Variants in ZC3H12B observed in about 807,000 individuals in gnomAD.
ZC3H12B encodes zinc finger CCCH-type containing 12B.
In ZC3H12B, 7 loss-of-function variants were observed where a neutral mutation model predicts 43.9. That is an observed-to-expected ratio of 0.16 (90% CI 0.09 to 0.30). The LOEUF (loss-of-function observed/expected upper bound fraction) is 0.30. Ranked by LOEUF, ZC3H12B falls within the 10% of genes least tolerant of loss-of-function variation. The pLI, the probability that ZC3H12B is intolerant of heterozygous loss-of-function variation, is 1.00. For missense variants in ZC3H12B, 475 were observed against 670.2 expected (o/e 0.71, Z 3.22); for synonymous variants, 222 against 241.7 (o/e 0.92, Z 0.76).
chrX:65,445,311 G>A (rs1455660367), intron 3 of ZC3H12B, among the ~76,000 whole-genome samples: 1 of 111,928 alleles, frequency 8.9e-6, no homozygotes, highest in African/African-American at 3.2e-5. Flanking sequence ...GGCATTTATT[G>A]TAATCTTCAG....
the ZC3H12B span, among the ~76,000 whole-genome samples, chrX:65,282,838 G>C: frequency 3.6e-5 from 4 of 111,570 alleles, no homozygotes; most frequent in South Asian, 1.5e-3. Context: ...CTAATAGCCT[G>C]CCAACAAAAA....
In ZC3H12B at chrX:65,390,206, A is replaced by G. The variant is rs1402929653; in HGVS notation, n.296-8387A>G. Among the ~76,000 whole-genome samples, 3 of 110,486 alleles carry G rather than the reference A, an allele frequency of 2.7e-5. No individual in the cohort carries two copies. In the Admixed American group the frequency reaches 2.9e-4, roughly 11 times the overall value. On this transcript the variant is annotated intron_variant and non_coding_transcript_variant, in intron 2 of 5. Transcript: ENST00000617377. ...CTCACTCATAGGTGGGAATTGAACA[A>G]TGAGAACACTTGGACTCAGGAAGGG...
At chrX:65,147,166 G>T in the ZC3H12B span, among the ~76,000 whole-genome samples, 13 of 112,284 alleles carry the variant, frequency 1.2e-4, no homozygotes, top group East Asian at 3.4e-3. Context: ...CACTTTTGAA[G>T]AAGTGGCGTC....
chrX:65,501,936 G>C lies in ZC3H12B; in HGVS notation c.1238G>C (p.Gly413Ala). The change falls in exon 5 of 5, where the codon GGC (glycine) becomes GCC (alanine). Residue 413 changes from glycine (G) to alanine (A), a missense_variant. Gly to Ala is a moderately conservative substitution (Grantham distance 60). This residue lies in a region of ZC3H12B where 289 missense variants were observed against 359.9 expected (regional missense o/e 0.80). Transcript: ENST00000338957. Reference sequence around the variant, plus strand: ...AGTGAAGGCACCCTGGCCAAGTGTGGCACAGGGATGTCTAGTGCCAAAGGT... The same window carrying C: ...AGTGAAGGCACCCTGGCCAAGTGTGCCACAGGGATGTCTAGTGCCAAAGGT... The C allele has an allele frequency of 8.3e-7, 1 of 1,210,923 alleles. No homozygotes were observed. The highest frequency in any genetic ancestry group is 1.1e-6 in the Non-Finnish European group (1 of 895,065).
the ZC3H12B span, among the ~76,000 whole-genome samples, chrX:65,319,036 A>G: frequency 7.2e-5 from 8 of 111,341 alleles, no homozygotes; most frequent in Non-Finnish European, 1.3e-4. Flanking sequence ...AAGAGAAAAC[A>G]TACCCCAGAG....
At chrX:65,158,695 A>C in the ZC3H12B span, among the ~76,000 whole-genome samples, 67 of 111,403 alleles carry the variant, frequency 6.0e-4, no homozygotes, top group African/African-American at 2.0e-3. Flanking sequence ...TGAGTAGGTT[A>C]CGAAAATTTT....
chrX:65,497,355 AT>A (rs1269413991), intron 2 of ZC3H12B, 84 bp downstream of exon 7: 1 of 921,462 alleles, frequency 1.1e-6, no homozygotes, highest in East Asian at 3.4e-5. Context: ...TTAGATATTT[AT>A]TTTTCAAAGT....
At chrX:65,240,833 T>A in the ZC3H12B span, among the ~76,000 whole-genome samples, 2 of 112,137 alleles carry the variant, frequency 1.8e-5, no homozygotes, top group Non-Finnish European at 3.8e-5. Context: ...CCTATAGGGC[T>A]CTTGTGTTTT....
chrX:65,112,750 A>G, the ZC3H12B span, among the ~76,000 whole-genome samples: 3 of 111,894 alleles, frequency 2.7e-5, no homozygotes, highest in Admixed American at 9.5e-5. Context: ...ATTACTGCTT[A>G]TTGACAATGC....
the ZC3H12B span, among the ~76,000 whole-genome samples, chrX:65,101,761 C>T: frequency 8.9e-6 from 1 of 111,869 alleles, no homozygotes; most frequent in Non-Finnish European, 1.9e-5. Context: ...AACCTACCAA[C>T]CAAAAAAGCC....
the ZC3H12B span, among the ~76,000 whole-genome samples, chrX:65,275,162 A>T: frequency 8.9e-6 from 1 of 112,858 alleles, no homozygotes; most frequent in Non-Finnish European, 1.9e-5. Flanking sequence ...CAGCTGTGCA[A>T]CTGTGTCATG....
the ZC3H12B span, among the ~76,000 whole-genome samples, chrX:65,137,149 A>G: frequency 8.9e-6 from 1 of 112,312 alleles, no homozygotes; most frequent in African/African-American, 3.2e-5. Context: ...TATAAATTAA[A>G]AGTATTTTAG....
At chrX:65,303,224 C>T in the ZC3H12B span, among the ~76,000 whole-genome samples, 4 of 109,589 alleles carry the variant, frequency 3.6e-5, no homozygotes, top group Non-Finnish European at 5.7e-5. Flanking sequence ...GGGTAAAGGA[C>T]GGGAGGAAGG....
the ZC3H12B span, among the ~76,000 whole-genome samples, chrX:65,170,762 TTC>T: frequency 8.9e-6 from 1 of 111,885 alleles, no homozygotes; most frequent in South Asian, 3.7e-4. Context: ...TAAACTTCTC[TTC>T]TCACTTCATT....
intron 2 of ZC3H12B, among the ~76,000 whole-genome samples, chrX:65,394,009 T>C (rs2066662165): frequency 8.9e-6 from 1 of 112,550 alleles, no homozygotes; most frequent in Non-Finnish European, 1.9e-5. Context: ...TTTTGAGAAG[T>C]GTCTGTTCAT....
chrX:65,310,130 G>A, the ZC3H12B span, among the ~76,000 whole-genome samples: 2 of 111,842 alleles, frequency 1.8e-5, no homozygotes, highest in African/African-American at 6.5e-5. Context: ...ATTCAACATA[G>A]TGTTGGAAGT....
the ZC3H12B span, among the ~76,000 whole-genome samples, chrX:65,289,732 AG>A: frequency 9.1e-6 from 1 of 110,330 alleles, no homozygotes; most frequent in Non-Finnish European, 1.9e-5. Flanking sequence ...AATTTGCATT[AG>A]GGAAAAGGAC....
the ZC3H12B span, among the ~76,000 whole-genome samples, chrX:65,241,158 G>A: frequency 2.7e-5 from 3 of 112,553 alleles, no homozygotes; most frequent in African/African-American, 6.5e-5. Context: ...GAAAGGCTGA[G>A]TTGACTGAAC....
chrX:65,123,911 A>C, the ZC3H12B span, among the ~76,000 whole-genome samples: 3 of 110,171 alleles, frequency 2.7e-5, no homozygotes, highest in Non-Finnish European at 5.7e-5. Context: ...AGGGTTTTCT[A>C]AGTGTATGAT....
Sources: gnomAD v4.1 joint callset for allele counts (sites outside exome capture counted in the v4.1 genomes callset) on GRCh38, gnomAD v4.1.1 for gene constraint, gnomAD v4.1.1 regional missense constraint, MANE v1.5 for transcripts, NCBI Gene and HGNC (gene_info 2026-07-23, HGNC 2026-07-21) for gene names.